The following ABCC1 variants were observed in gnomAD, a reference collection of about 807,000 sequenced individuals.
ABCC1 encodes the protein multidrug resistance-associated protein 1.
Under a neutral mutation model 172.9 loss-of-function variants are expected in ABCC1, and 83 were observed. The ratio of observed to expected loss-of-function variants is 0.48; its 90% CI spans 0.40 to 0.58. The LOEUF (loss-of-function observed/expected upper bound fraction) is 0.58, where lower values mean the gene tolerates loss of function less well. Among genes scored for constraint, ABCC1 ranks in the 20% least tolerant of loss-of-function variants. The probability of loss-of-function intolerance (pLI) is 0.00; values close to 1 mark genes in which losing one functional copy is unlikely to be tolerated. For synonymous variants in ABCC1, 937 were observed against 825.2 expected (o/e 1.14, Z -2.32); for missense variants, 1,817 against 2,002.7 (o/e 0.91, Z 1.77).
At chr16:15,991,034 G>A (rs2046852529) in intron 1 of ABCC1, among the ~76,000 whole-genome samples, 1 of 152,140 alleles carries the variant, frequency 6.6e-6, no homozygotes, top group East Asian at 1.9e-4. Context: ...TTGTCCACTT[G>A]ACCACGGATA....
At chr16:16,048,081 G>A (rs2049289048) in intron 9 of ABCC1, 61 bp from the exon 10 acceptor site, 3 of 1,580,446 alleles carry the variant, frequency 1.9e-6, no homozygotes, top group Non-Finnish European at 2.6e-6. Flanking sequence ...TGGGTCTGGA[G>A]GGAGAGTCAG....
intron 19 of ABCC1, chr16:16,094,404 T>C (rs1175833214): frequency 4.8e-6 from 1 of 208,928 alleles, no homozygotes; most frequent in African/African-American, 2.3e-5. Context: ...TCCACCATTA[T>C]AATGTCAGAA....
In ABCC1 at chr16:15,973,370, G is replaced by A. The variant is rs551311849; in HGVS notation, c.48+23571G>A. 7.2e-5 allele frequency among the ~76,000 whole-genome samples: 11 copies of A among 152,204 alleles called. No homozygotes were observed. In the South Asian group the frequency reaches 8.3e-4, roughly 11 times the overall value. On this transcript the variant is annotated intron_variant, in intron 1 of 30. Coordinates refer to ENST00000399410, the MANE Select transcript of ABCC1 (RefSeq NM_004996.4). ...TGGCTGTCACGATGGGGCAGGGAGCGCACGCCTAGAGTCTAGTGGGTAGAG... is the reference window on the plus strand; with the variant it reads ...TGGCTGTCACGATGGGGCAGGGAGCACACGCCTAGAGTCTAGTGGGTAGAG...
chr16:16,026,149 A>C (rs1319612773), intron 5 of ABCC1, among the ~76,000 whole-genome samples: 4 of 152,092 alleles, frequency 2.6e-5, no homozygotes, highest in African/African-American at 9.7e-5. Context: ...GGCTGTTTCC[A>C]GGCCGGGTGC....
At chr16:15,963,252 G>A (rs938579492) in intron 1 of ABCC1, among the ~76,000 whole-genome samples, 2 of 152,252 alleles carry the variant, frequency 1.3e-5, no homozygotes, top group Non-Finnish European at 2.9e-5. Flanking sequence ...GGGCAGCTCT[G>A]CCCCTGTGGC....
chr16:16,132,282 C>G (rs2045710008), intron 27 of ABCC1, among the ~76,000 whole-genome samples: 1 of 151,978 alleles, frequency 6.6e-6, no homozygotes, highest in Non-Finnish European at 1.5e-5. Context: ...GGCAGCCTCC[C>G]AAGTGGGGGG....
At chr16:16,141,058 G>C (rs1443280794) in intron 30 of ABCC1, 115 bp from the exon 31 acceptor site, 2 of 806,652 alleles carry the variant, frequency 2.5e-6, no homozygotes, top group African/African-American at 3.4e-5. Context: ...ACCAGTCCTA[G>C]CAAAAAGTGT....
chr16:16,094,680 A>AT (rs924947437), intron 19 of ABCC1, among the ~76,000 whole-genome samples: 1 of 148,704 alleles, frequency 6.7e-6, no homozygotes, highest in African/African-American at 2.5e-5. Flanking sequence ...TGCCCAGCTA[A>AT]TTTTTTTTGT....
intron 6 of ABCC1, among the ~76,000 whole-genome samples, chr16:16,035,163 A>G (rs2151839629): frequency 6.6e-6 from 1 of 152,242 alleles, no homozygotes; most frequent in South Asian, 2.1e-4. Context: ...GCACTTTCAG[A>G]GGCCAAGGTG....
At chr16:16,132,570 A>G (rs1320119305) in intron 27 of ABCC1, among the ~76,000 whole-genome samples, 3 of 117,318 alleles carry the variant, frequency 2.6e-5, no homozygotes, top group African/African-American at 3.3e-5. Flanking sequence ...TGCCAAGGCC[A>G]GAGTGCAGGG....
At chr16:16,076,538 CCATCTGGA>C in intron 15 of ABCC1, 137 bp downstream of exon 15, 1 of 808,528 alleles carries the variant, frequency 1.2e-6, no homozygotes, top group Non-Finnish European at 1.9e-6. Flanking sequence ...CTTAGCTTAC[CCATCTGGA>C]CAATGGGTGC....
intron 1 of ABCC1, among the ~76,000 whole-genome samples, chr16:15,972,170 A>G (rs1376365952): frequency 1.3e-5 from 2 of 152,120 alleles, no homozygotes; most frequent in African/African-American, 4.8e-5. Flanking sequence ...TGTCACTAGC[A>G]AGGAGTGGAC....
rs535280658 is a variant in ABCC1 at position 16,009,680 on chromosome 16, C to G, written c.226-96C>G. 4 of 1,310,236 alleles carry G rather than the reference C, an allele frequency of 3.1e-6. No homozygotes were observed. In the Admixed American group the frequency reaches 1.1e-4, roughly 35 times the overall value. The allele number at this position is 1,310,236 out of a possible 1,614,324, so 81.2% of individuals were successfully genotyped here. A position where few individuals can be genotyped will look rare whatever the true frequency, so the allele number is the denominator to read the frequency against. On this transcript the variant is annotated intron_variant, in intron 2 of 30. Transcript: ENST00000399410. ...CTGTGGCTGATCATTTGAAGGCTGGCTGGTTCTCCTATCCCTGGGGCTGAG... is the reference window on the plus strand; with the variant it reads ...CTGTGGCTGATCATTTGAAGGCTGGGTGGTTCTCCTATCCCTGGGGCTGAG...
intron 19 of ABCC1, among the ~76,000 whole-genome samples, chr16:16,101,762 C>T (rs967933743): frequency 4.6e-5 from 7 of 152,158 alleles, no homozygotes; most frequent in South Asian, 2.1e-4. Flanking sequence ...TGTGTTGACA[C>T]GACACACGGT....
intron 5 of ABCC1, among the ~76,000 whole-genome samples, chr16:16,031,811 T>G (rs1258958478): frequency 6.6e-6 from 1 of 152,056 alleles, no homozygotes; most frequent in African/African-American, 2.4e-5. Context: ...TTTCTCTCCC[T>G]TCAGGACACA....
intron 19 of ABCC1, among the ~76,000 whole-genome samples, chr16:16,102,200 T>A (rs2051787750): frequency 1.3e-5 from 2 of 150,504 alleles, no homozygotes; most frequent in African/African-American, 2.5e-5. Flanking sequence ...GGTTATCTAT[T>A]TTGAATATCA....
rs115455394 is a variant in ABCC1, at chr16:16,075,698, C to A, written c.1913-628C>A. Reference sequence around the variant, plus strand: ...CTCCGACACTCTCCCCTTCCCTGTGCCCTCGTACCACACTTCCTGTTCCGT... The same window carrying A: ...CTCCGACACTCTCCCCTTCCCTGTGACCTCGTACCACACTTCCTGTTCCGT... On this transcript the variant is annotated intron_variant, in intron 14 of 30. Coordinates refer to ENST00000399410, the MANE Select transcript of ABCC1 (RefSeq NM_004996.4). Among the ~76,000 whole-genome samples the A allele has an allele frequency of 5.2e-3, 796 of 152,314 alleles. 6 individuals carry two copies. Among genetic ancestry groups the A allele is most frequent in the African/African-American group, 0.018 (752 of 41,586 alleles).
At chr16:15,952,672 C>A (rs1264023701) in intron 1 of ABCC1, among the ~76,000 whole-genome samples, 2 of 128,310 alleles carry the variant, frequency 1.6e-5, no homozygotes, top group African/African-American at 6.1e-5. Context: ...TTGATATTGG[C>A]ATGATGGTTG....
Position 16,044,357 on chromosome 16 carries a change from T to A in ABCC1, c.810-93T>A. 5.3e-6 allele frequency: 6 copies of A among 1,130,520 alleles called. No homozygotes were observed. In the South Asian group the frequency reaches 8.1e-5, roughly 15 times the overall value. 70.0% of individuals were successfully genotyped at this position (1,130,520 alleles called of 1,614,324 possible). On this transcript the variant is annotated intron_variant, in intron 7 of 30. Transcript: ENST00000399410. The stretch of plus-strand genomic sequence containing the variant: ...GGGCTTGTTGTCTTTGACTCTGCCT[T>A]CCCTGAAGGGTGACATTCCCTGGCC...
Sources: allele counts gnomAD v4.1 joint callset (sites outside exome capture counted in the v4.1 genomes callset), GRCh38; gene constraint gnomAD v4.1.1; transcripts MANE v1.5; gene names NCBI Gene and HGNC (gene_info 2026-07-23, HGNC 2026-07-21).